CLEC16A: variants seen among roughly 807,000 people sequenced by gnomAD.
The protein encoded by CLEC16A is C-type lectin domain containing 16A.
CLEC16A carries 51 observed loss-of-function variants against 109.5 expected under a neutral mutation model. The observed-to-expected ratio is 0.47, with a 90% CI of 0.37 to 0.59. The LOEUF is 0.59. CLEC16A is among the 20% of genes least tolerant of loss of function. The probability of loss-of-function intolerance (pLI) is 0.00; values close to 1 mark genes in which losing one functional copy is unlikely to be tolerated. For synonymous variants in CLEC16A, 673 were observed against 564.2 expected, an observed-to-expected ratio of 1.19 and a Z score of -2.73; for missense variants, 1,339 against 1,394.0, an observed-to-expected ratio of 0.96 and a Z score of 0.63.
chr16:10,994,660 C>T (rs907253572), intron 10 of CLEC16A, among the ~76,000 whole-genome samples: 3 of 152,074 alleles, frequency 2.0e-5, no homozygotes, highest in African/African-American at 7.2e-5. Context: ...GCTAAGATCA[C>T]ACCACTGCAC....
intron 19 of CLEC16A, among the ~76,000 whole-genome samples, chr16:11,102,867 T>G (rs964108499): frequency 3.3e-5 from 5 of 152,212 alleles, no homozygotes; most frequent in African/African-American, 1.2e-4. Flanking sequence ...GGGACAGTAT[T>G]GTTAATATCA....
In CLEC16A at chr16:11,164,806, A is replaced by G. The variant is rs556931397; in HGVS notation, c.2642-1582A>G. ...TTGCAGGATGCCAACCCCTGCTAACACCCTGCAGCCTTCCTGAGTTTCAAG... is the reference window on the plus strand; with the variant it reads ...TTGCAGGATGCCAACCCCTGCTAACGCCCTGCAGCCTTCCTGAGTTTCAAG... On this transcript the variant is annotated intron_variant, in intron 22 of 23. Transcript: ENST00000409790. 2.0e-5 allele frequency among the ~76,000 whole-genome samples: 3 copies of G among 152,280 alleles called. No individual in the cohort carries two copies. The South Asian group carries it at 6.2e-4, about 32-fold the overall frequency.
At chr16:11,063,636 A>G (rs1368278782) in intron 19 of CLEC16A, among the ~76,000 whole-genome samples, 1 of 152,060 alleles carries the variant, frequency 6.6e-6, no homozygotes, top group Non-Finnish European at 1.5e-5. Context: ...AAGAAACAAC[A>G]GCGTAAAGGA....
chr16:11,042,060 G>T, intron 14 of CLEC16A, 194 bp from the exon 15 acceptor site: 1 of 563,868 alleles, frequency 1.8e-6, no homozygotes. Flanking sequence ...AGTTTTGATG[G>T]AGAACATTGA....
At chr16:10,962,646 T>A (rs1341827580) in intron 3 of CLEC16A, 58 bp downstream of exon 3, 68 of 1,591,020 alleles carry the variant, frequency 4.3e-5, no homozygotes, top group South Asian at 3.9e-4. Context: ...AGGGTGAAGT[T>A]GGGCGTGGTT....
At chr16:11,074,991 A>G (rs2049268980) in intron 19 of CLEC16A, among the ~76,000 whole-genome samples, 1 of 152,170 alleles carries the variant, frequency 6.6e-6, no homozygotes, top group Non-Finnish European at 1.5e-5. Context: ...TGGGCAGCAT[A>G]GTGAGACCCT....
At chr16:10,976,030 C>T (rs1169012272) in intron 7 of CLEC16A, among the ~76,000 whole-genome samples, 3 of 152,002 alleles carry the variant, frequency 2.0e-5, no homozygotes, top group East Asian at 1.9e-4. Flanking sequence ...TTTGGGAGGC[C>T]GAGGCAGAAG....
chr16:10,975,580 G>T (rs1032970039), intron 7 of CLEC16A, among the ~76,000 whole-genome samples: 3 of 152,092 alleles, frequency 2.0e-5, no homozygotes, highest in African/African-American at 7.2e-5. Context: ...CGCACGGTGG[G>T]TTCATAGACA....
chr16:11,140,277 T>C (rs1161444289), intron 22 of CLEC16A, among the ~76,000 whole-genome samples: 1 of 152,186 alleles, frequency 6.6e-6, no homozygotes, highest in Admixed American at 6.5e-5. Flanking sequence ...ACGGATGTCC[T>C]GTTGAACCTC....
At chr16:11,008,729 G>A (rs1490341779) in intron 11 of CLEC16A, among the ~76,000 whole-genome samples, 1 of 150,476 alleles carries the variant, frequency 6.6e-6, no homozygotes, top group Non-Finnish European at 1.5e-5. Flanking sequence ...GGTGGTTCAC[G>A]CCTGTAATCC....
chr16:11,042,074 C>T (rs760760248), intron 14 of CLEC16A, 180 bp from the exon 15 acceptor site: 3 of 568,292 alleles, frequency 5.3e-6, no homozygotes, highest in Non-Finnish European at 9.5e-6. Context: ...ACATTGAATT[C>T]TAACTGATGG....
chr16:10,959,314 A>C (rs2042142703), intron 2 of CLEC16A, among the ~76,000 whole-genome samples: 1 of 152,304 alleles, frequency 6.6e-6, no homozygotes, highest in African/African-American at 2.4e-5. Context: ...AGTGGCTATG[A>C]TCTCCAAAGC....
At chr16:10,951,504 A>C (rs35919309) in intron 1 of CLEC16A, among the ~76,000 whole-genome samples, 1 of 152,010 alleles carries the variant, frequency 6.6e-6, no homozygotes, top group Non-Finnish European at 1.5e-5. Flanking sequence ...GGTTGTAATC[A>C]TGGGGTCTGG....
At chr16:11,043,663 G>A (rs541596145) in intron 15 of CLEC16A, among the ~76,000 whole-genome samples, 23 of 152,084 alleles carry the variant, frequency 1.5e-4, no homozygotes, top group African/African-American at 5.3e-4. Context: ...TCAGGAGTTC[G>A]AGACCAGCCT....
chr16:11,135,148 G>A (rs759195048), intron 22 of CLEC16A, among the ~76,000 whole-genome samples: 25 of 152,192 alleles, frequency 1.6e-4, no homozygotes, highest in Non-Finnish European at 3.1e-4. Flanking sequence ...AAGCTTTCTG[G>A]CAATTGCCTC....
chr16:10,979,559 G>C (rs2043207346), intron 9 of CLEC16A, among the ~76,000 whole-genome samples, 177 bp downstream of exon 9: 1 of 152,154 alleles, frequency 6.6e-6, no homozygotes, highest in African/African-American at 2.4e-5. Context: ...TAGAGGTAGT[G>C]TGTATCTTTT....
At chr16:11,010,914 G>T (rs2045368722) in intron 11 of CLEC16A, among the ~76,000 whole-genome samples, 1 of 152,034 alleles carries the variant, frequency 6.6e-6, no homozygotes, top group Non-Finnish European at 1.5e-5. Flanking sequence ...TTTTGTCTTT[G>T]TGTGATGTGT....
At chr16:11,037,698 T>C in intron 13 of CLEC16A, among the ~76,000 whole-genome samples, 1 of 152,132 alleles carries the variant, frequency 6.6e-6, no homozygotes, top group Non-Finnish European at 1.5e-5. Flanking sequence ...CTTTCTGCTA[T>C]CCTCTCTGAA....
chr16:10,981,459 A>G (rs1467279650), intron 9 of CLEC16A, among the ~76,000 whole-genome samples: 2 of 152,194 alleles, frequency 1.3e-5, no homozygotes, highest in African/African-American at 4.8e-5. Flanking sequence ...GCAATTTTTT[A>G]TAGGGAGGTG....
Sources: gnomAD v4.1 joint callset for allele counts (sites outside exome capture counted in the v4.1 genomes callset) on GRCh38, gnomAD v4.1.1 for gene constraint, MANE v1.5 for transcripts, NCBI Gene and HGNC (gene_info 2026-07-23, HGNC 2026-07-21) for gene names.